Variants in FLI1 observed in about 807,000 individuals in gnomAD.
The protein encoded by FLI1 is Friend leukemia integration 1 transcription factor.
A neutral mutation model predicts 53.1 loss-of-function variants in FLI1; 13 were observed. That is an observed-to-expected ratio of 0.24 (90% CI 0.16 to 0.39). The LOEUF (loss-of-function observed/expected upper bound fraction) is 0.39, where lower values mean the gene tolerates loss of function less well. FLI1 is among the 10% of genes least tolerant of loss of function. The pLI, the probability that FLI1 is intolerant of heterozygous loss-of-function variation, is 1.00. For synonymous variants in FLI1, 244 were observed against 236.7 expected, an observed-to-expected ratio of 1.03 and a Z score of -0.28; for missense variants, 424 against 600.5, an observed-to-expected ratio of 0.71 and a Z score of 3.07.
chr11:128,694,575 G>T (rs1384706560), intron 1 of FLI1, among the ~76,000 whole-genome samples: 12 of 44 alleles, frequency 0.27, no homozygotes, highest in African/African-American at 0.43. Context: ...GGAAACCGGG[G>T]GACCCCAGGG....
intron 1 of FLI1, among the ~76,000 whole-genome samples, chr11:128,720,886 T>C (rs1591752324): frequency 6.6e-6 from 1 of 152,110 alleles, no homozygotes; most frequent in South Asian, 2.1e-4. Flanking sequence ...GTGGCGGAGG[T>C]GGGGAAGGTG....
chr11:128,804,620 C>G (rs2135913673), intron 5 of FLI1: 1 of 152,384 alleles, frequency 6.6e-6, no homozygotes, highest in Non-Finnish European at 1.5e-5. Flanking sequence ...CTGATCCAGC[C>G]CCTTTCCCAG....
intron 1 of FLI1, among the ~76,000 whole-genome samples, chr11:128,737,404 C>G (rs1939955383): frequency 2.0e-5 from 3 of 152,194 alleles, no homozygotes; most frequent in Admixed American, 2.0e-4. Flanking sequence ...CCCCACCACA[C>G]CGGAACACGA....
chr11:128,737,090 T>C (rs1306886075), intron 1 of FLI1, among the ~76,000 whole-genome samples: 1 of 152,238 alleles, frequency 6.6e-6, no homozygotes, highest in Non-Finnish European at 1.5e-5. Context: ...CTGCAGTAGA[T>C]CTAACTCAAG....
At chr11:128,719,059 T>C (rs1420685551) in intron 1 of FLI1, among the ~76,000 whole-genome samples, 1 of 152,210 alleles carries the variant, frequency 6.6e-6, no homozygotes, top group African/African-American at 2.4e-5. Flanking sequence ...AATTTTGTCA[T>C]GGTTATTCTG....
chr11:128,687,695 G>C (rs747027918), intron 1 of FLI1, among the ~76,000 whole-genome samples: 16 of 152,078 alleles, frequency 1.1e-4, no homozygotes, highest in Admixed American at 9.8e-4. Context: ...GCAGACTCTC[G>C]GGTCCTGTCC....
Position 128,706,244 on chromosome 11 carries a change from C to G in FLI1, c.18+11968C>G, listed in dbSNP as rs80333659. On this transcript the variant is annotated intron_variant, in intron 1 of 8. Transcript: ENST00000527786. ...AGGAGAAGAAGCTTCAAGGTGTATC[C>G]AAAGGATCATCAAAGTCAGTTGAAG... 3.0e-3 allele frequency among the ~76,000 whole-genome samples: 459 copies of G among 152,238 alleles called. 1 individual carries two copies. Among genetic ancestry groups the G allele is most frequent in the African/African-American group, 0.01 (435 of 41,526 alleles).
intron 1 of FLI1, among the ~76,000 whole-genome samples, chr11:128,717,950 G>A (rs555964963): frequency 6.6e-6 from 1 of 152,308 alleles, no homozygotes. Context: ...TCCTCCAGAT[G>A]TTCCCAAAAG....
intron 1 of FLI1, among the ~76,000 whole-genome samples, chr11:128,696,415 T>G (rs1938077715): frequency 6.6e-6 from 1 of 152,176 alleles, no homozygotes; most frequent in South Asian, 2.1e-4. Flanking sequence ...CCCACAATAG[T>G]TCAAATACTG....
intron 1 of FLI1, among the ~76,000 whole-genome samples, chr11:128,737,922 C>G (rs1354894007): frequency 1.3e-5 from 2 of 152,192 alleles, no homozygotes; most frequent in Non-Finnish European, 2.9e-5. Context: ...CCTGTTATCT[C>G]TATGGACTTA....
chr11:128,750,801 G>A (rs1389704614), intron 1 of FLI1, among the ~76,000 whole-genome samples: 2 of 152,202 alleles, frequency 1.3e-5, no homozygotes, highest in East Asian at 3.8e-4. Flanking sequence ...AGTATAACAA[G>A]AAAAGATGCA....
chr11:128,712,744 C>T (rs541932288), intron 1 of FLI1, among the ~76,000 whole-genome samples: 194 of 152,248 alleles, frequency 1.3e-3, no homozygotes, highest in African/African-American at 4.5e-3. Context: ...AGGTCCCTCC[C>T]GCAACATGTG....
At chr11:128,798,859 G>A (rs770191845) in intron 5 of FLI1, among the ~76,000 whole-genome samples, 29 of 152,100 alleles carry the variant, frequency 1.9e-4, no homozygotes, top group Non-Finnish European at 3.5e-4. Flanking sequence ...ACCTGACAGT[G>A]GGGGAGGAAG....
intron 4 of FLI1, among the ~76,000 whole-genome samples, chr11:128,775,255 A>G (rs1436689008): frequency 2.0e-5 from 3 of 152,176 alleles, no homozygotes; most frequent in African/African-American, 7.2e-5. Flanking sequence ...AGAAGTGCTT[A>G]GGATACAATG....
intron 5 of FLI1, among the ~76,000 whole-genome samples, chr11:128,802,746 A>G (rs114431220): frequency 6.6e-6 from 1 of 152,348 alleles, no homozygotes; most frequent in African/African-American, 2.4e-5. Context: ...TGGGCCTGCC[A>G]AGCCACTGCT....
upstream of FLI1, among the ~76,000 whole-genome samples, chr11:128,690,256 C>T (rs1374465331): frequency 2.0e-5 from 3 of 152,248 alleles, no homozygotes; most frequent in Non-Finnish European, 2.9e-5. Context: ...CTCCTCCTCC[C>T]CCTTTGCCAG....
At chr11:128,707,699 G>T (rs1026768777) in intron 1 of FLI1, among the ~76,000 whole-genome samples, 1 of 152,258 alleles carries the variant, frequency 6.6e-6, no homozygotes, top group African/African-American at 2.4e-5. Flanking sequence ...AGCCATGACA[G>T]GGCAGTAGGA....
intron 1 of FLI1, among the ~76,000 whole-genome samples, chr11:128,734,172 G>T (rs1315718815): frequency 6.6e-6 from 1 of 152,162 alleles, no homozygotes; most frequent in African/African-American, 2.4e-5. Flanking sequence ...GGTTAAACAG[G>T]GGAAGCTATA....
intron 2 of FLI1, chr11:128,764,620 C>G: frequency 6.5e-7 from 1 of 1,528,412 alleles, no homozygotes; most frequent in Non-Finnish European, 8.8e-7. Context: ...CACTCCCCCT[C>G]CCTCTTGTTT....
Sources: gnomAD v4.1 joint callset for allele counts (sites outside exome capture counted in the v4.1 genomes callset) on GRCh38, gnomAD v4.1.1 for gene constraint, MANE v1.5 for transcripts, NCBI Gene and HGNC (gene_info 2026-07-23, HGNC 2026-07-21) for gene names.